The following UNC79 variants were observed in gnomAD, a reference collection of about 807,000 sequenced individuals.
UNC79 encodes the protein unc-79 subunit of NALCN channel complex.
UNC79 carries 37 observed loss-of-function variants against 283.1 expected under a neutral mutation model. The observed-to-expected ratio is 0.13, with a 90% CI of 0.10 to 0.17. The LOEUF (loss-of-function observed/expected upper bound fraction) is 0.17, where lower values mean the gene tolerates loss of function less well. UNC79 is among the 10% of genes least tolerant of loss of function. UNC79 has a pLI of 1.00. For missense variants in UNC79, 2,272 were observed against 3,211.1 expected (o/e 0.71, Z 7.07); for synonymous variants, 1,107 against 1,200.2 (o/e 0.92, Z 1.61).
At chr14:93,612,163 G>A (rs952765417) in intron 26 of UNC79, among the ~76,000 whole-genome samples, 5 of 152,174 alleles carry the variant, frequency 3.3e-5, no homozygotes, top group African/African-American at 1.2e-4. Flanking sequence ...CTTTCTGTTT[G>A]TGTCCTCTCC....
intron 13 of UNC79, 96 bp downstream of exon 13, chr14:93,540,927 T>C: frequency 6.6e-7 from 1 of 1,520,244 alleles, no homozygotes; most frequent in East Asian, 2.3e-5. Flanking sequence ...AAGGAGTAAA[T>C]AGTGAAAAAT....
At chr14:93,438,038 C>A (rs2056153804) in intron 1 of UNC79, among the ~76,000 whole-genome samples, 1 of 152,134 alleles carries the variant, frequency 6.6e-6, no homozygotes, top group Admixed American at 6.5e-5. Context: ...ATTGTTATGT[C>A]TGATTCTGTA....
chr14:93,486,499 C>A (rs544729071), intron 4 of UNC79, among the ~76,000 whole-genome samples: 1 of 151,528 alleles, frequency 6.6e-6, no homozygotes, highest in Non-Finnish European at 1.5e-5. Flanking sequence ...TCTAAAAATA[C>A]AAAAATTAGC....
intron 1 of UNC79, among the ~76,000 whole-genome samples, chr14:93,455,912 TTGTGTGTGTG>T (rs10654684): frequency 1.2e-4 from 18 of 144,224 alleles, no homozygotes; most frequent in Non-Finnish European, 2.1e-4. Context: ...GTACAATGGA[TTGTGTGTGTG>T]TGTGTGTGTG....
At chr14:93,584,389 G>A (rs2064060372) in intron 20 of UNC79, among the ~76,000 whole-genome samples, 1 of 152,186 alleles carries the variant, frequency 6.6e-6, no homozygotes, top group Admixed American at 6.6e-5. Context: ...TCCCTGGGAT[G>A]GGGACCTGGG....
At chr14:93,530,685 G>A (rs1039756291) in intron 10 of UNC79, among the ~76,000 whole-genome samples, 2 of 152,144 alleles carry the variant, frequency 1.3e-5, no homozygotes, top group Middle Eastern at 6.8e-3. Flanking sequence ...CGAGGTGGGC[G>A]GATCACAAGG....
At chr14:93,416,807 G>T (rs922789643) in intron 1 of UNC79, among the ~76,000 whole-genome samples, 3 of 151,976 alleles carry the variant, frequency 2.0e-5, no homozygotes, top group African/African-American at 7.3e-5. Context: ...ATCTTTGTTG[G>T]TTTAAAGTCT....
At chr14:93,515,712 C>A (rs1466416067) in intron 7 of UNC79, among the ~76,000 whole-genome samples, 2 of 151,948 alleles carry the variant, frequency 1.3e-5, no homozygotes, top group Non-Finnish European at 2.9e-5. Context: ...TACCAATGAA[C>A]TTTTTGCTCA....
chr14:93,453,695 G>A (rs1279050419), intron 1 of UNC79, among the ~76,000 whole-genome samples: 1 of 152,220 alleles, frequency 6.6e-6, no homozygotes, highest in East Asian at 1.9e-4. Context: ...ATCTTGATCT[G>A]AGGAAGCTGC....
chr14:93,409,128 CTCAT>C (rs1394331406), intron 1 of UNC79, among the ~76,000 whole-genome samples: 1 of 152,094 alleles, frequency 6.6e-6, no homozygotes, highest in Non-Finnish European at 1.5e-5. Flanking sequence ...AGTCAAAACT[CTCAT>C]TATTTGTAGA....
intron 26 of UNC79, among the ~76,000 whole-genome samples, 184 bp downstream of exon 27, chr14:93,605,145 A>T (rs972623686): frequency 2.0e-5 from 3 of 152,150 alleles, no homozygotes; most frequent in African/African-American, 7.2e-5. Flanking sequence ...TTTTGATATT[A>T]ACAGATGACT....
At chr14:93,609,612 C>T (rs1173665131) in intron 26 of UNC79, among the ~76,000 whole-genome samples, 2 of 152,152 alleles carry the variant, frequency 1.3e-5, no homozygotes, top group Non-Finnish European at 2.9e-5. Flanking sequence ...AGGAATTTCA[C>T]AGACTAGAAT....
chr14:93,461,519 A>G (rs2056963002), intron 1 of UNC79, among the ~76,000 whole-genome samples: 2 of 152,082 alleles, frequency 1.3e-5, no homozygotes, highest in Non-Finnish European at 2.9e-5. Context: ...CTTCATTTTC[A>G]TCACAGTTTT....
At chr14:93,529,199 T>C in intron 9 of UNC79, 87 bp from the exon 10 acceptor site, 1 of 1,375,886 alleles carries the variant, frequency 7.3e-7, no homozygotes, top group African/African-American at 1.5e-5. Context: ...TAAAAGCCTT[T>C]CAGCACTAGT....
At chr14:93,551,150 T>C (rs1466472795) in intron 14 of UNC79, among the ~76,000 whole-genome samples, 2 of 152,098 alleles carry the variant, frequency 1.3e-5, no homozygotes, top group Non-Finnish European at 2.9e-5. Flanking sequence ...CCCGGGTTCA[T>C]GCCATTCTCC....
chr14:93,447,842 C>G (rs2056510255), intron 1 of UNC79, among the ~76,000 whole-genome samples: 1 of 151,852 alleles, frequency 6.6e-6, no homozygotes, highest in Non-Finnish European at 1.5e-5. Flanking sequence ...GAGGTGAATT[C>G]AGCCATTACT....
chr14:93,444,611 G>A (rs1430393541), intron 1 of UNC79, among the ~76,000 whole-genome samples: 1 of 152,092 alleles, frequency 6.6e-6, no homozygotes, highest in Non-Finnish European at 1.5e-5. Flanking sequence ...TATGTATAAT[G>A]TGAGGTAAAG....
intron 22 of UNC79, among the ~76,000 whole-genome samples, chr14:93,591,869 C>T (rs1472398626): frequency 5.3e-5 from 8 of 152,182 alleles, no homozygotes; most frequent in Non-Finnish European, 1.0e-4. Context: ...AGGAACTGCT[C>T]ACACAGACAG....
intron 1 of UNC79, among the ~76,000 whole-genome samples, chr14:93,439,953 C>G (rs1271168120): frequency 6.6e-6 from 1 of 151,934 alleles, no homozygotes; most frequent in Non-Finnish European, 1.5e-5. Flanking sequence ...TTCTGCTTGT[C>G]ATTTCTAATG....
Sources: allele counts gnomAD v4.1 joint callset (sites outside exome capture counted in the v4.1 genomes callset), GRCh38; gene constraint gnomAD v4.1.1; transcripts MANE v1.5; gene names NCBI Gene and HGNC (gene_info 2026-07-23, HGNC 2026-07-21).